The following GNG2 variants were observed in gnomAD, a reference collection of about 807,000 sequenced individuals.
GNG2 encodes the protein G protein subunit gamma 2, also known as guanine nucleotide-binding protein G(I)/G(S)/G(O) subunit gamma-2.
In GNG2, 5 loss-of-function variants were observed where a neutral mutation model predicts 5.5. That is an observed-to-expected ratio of 0.91 (90% CI 0.48 to 1.92). GNG2 has a LOEUF of 1.92. GNG2 is among the 30% of genes most tolerant of loss of function. GNG2 has a pLI of 0.01. For missense variants in GNG2, 55 were observed against 88.4 expected (o/e 0.62, Z 1.52); for synonymous variants, 28 against 32.0 (o/e 0.88, Z 0.42).
intron 3 of GNG2, among the ~76,000 whole-genome samples, chr14:51,952,412 A>G (rs750898858): frequency 2.6e-5 from 4 of 152,174 alleles, no homozygotes; most frequent in Non-Finnish European, 5.9e-5. Flanking sequence ...CTGAAAAAGC[A>G]CAAAGCAACA....
At chr14:51,841,497 A>G (rs1881481188) in intron 2 of GNG2, 1 of 701,672 alleles carries the variant, frequency 1.4e-6, no homozygotes, top group Non-Finnish European at 2.6e-6. Context: ...TTTTCTCTCC[A>G]TTTTACAGAC....
chr14:51,951,549 T>C (rs1007550701), intron 3 of GNG2, among the ~76,000 whole-genome samples: 4 of 152,236 alleles, frequency 2.6e-5, no homozygotes, highest in Non-Finnish European at 5.9e-5. Context: ...AAGAATTCTA[T>C]GAAATGCAGC....
intron 2 of GNG2, among the ~76,000 whole-genome samples, chr14:51,884,241 G>A (rs900068132): frequency 2.0e-5 from 3 of 152,148 alleles, no homozygotes; most frequent in African/African-American, 7.2e-5. Context: ...AAAAATGTCA[G>A]AACCAAAGTG....
At chr14:51,829,447 T>C (rs1881121882) in intron 2 of GNG2, among the ~76,000 whole-genome samples, 1 of 152,188 alleles carries the variant, frequency 6.6e-6, no homozygotes, top group Non-Finnish European at 1.5e-5. Context: ...TATGTCCTCA[T>C]CTTACTTGTC....
intron 2 of GNG2, among the ~76,000 whole-genome samples, chr14:51,908,386 T>A (rs1886069917): frequency 6.6e-6 from 1 of 152,216 alleles, no homozygotes; most frequent in Admixed American, 6.5e-5. Flanking sequence ...TTATTGCAGG[T>A]CATCTTGGAG....
At position 51,966,961 on chromosome 14, in the gene GNG2, A is replaced by ACCCCCCCCACCCC. The variant is rs1889954367; in HGVS notation, c.*274_*275insCCCCCCCCACCCC. 1.4e-5 allele frequency: 1 copy of ACCCCCCCCACCCC among 70,422 alleles called. No individual in the cohort carries two copies. The highest frequency in any genetic ancestry group is 2.5e-5 in the Non-Finnish European group (1 of 39,936). The allele number at this position is 70,422 out of a possible 1,614,324, so 4.4% of individuals were successfully genotyped here. On this transcript the variant is annotated 3_prime_UTR_variant, in exon 4 of 4. Coordinates refer to ENST00000556766, the MANE Select transcript of GNG2 (RefSeq NM_053064.5). ...TGTCACTTCTTTTCTGCTATCCCCC[A>ACCCCCCCCACCCC]GCCCCCCCCCCAAAATCCTCATGTT...
chr14:51,864,693 G>A (rs1424226120), intron 1 of GNG2, among the ~76,000 whole-genome samples: 4 of 152,168 alleles, frequency 2.6e-5, no homozygotes, highest in African/African-American at 9.7e-5. Context: ...CGGAGGCACT[G>A]GAGAGCTGTT....
At chr14:51,898,914 A>G (rs558339483) in intron 2 of GNG2, among the ~76,000 whole-genome samples, 105 of 152,330 alleles carry the variant, frequency 6.9e-4, no homozygotes, top group Non-Finnish European at 1.3e-3. Flanking sequence ...CTCATTAATA[A>G]AGACCATAAG....
chr14:51,942,597 T>TTCTTTCTTTCTTTCTTTC (rs1888403996), intron 2 of GNG2, among the ~76,000 whole-genome samples: 1 of 9,028 alleles, frequency 1.1e-4, no homozygotes, highest in Non-Finnish European at 3.5e-4. Context: ...TTCTTTTTTT[T>TTCTTTCTTTCTTTCTTTC]TTTTTTTTTA....
rs1001678487 is a variant in GNG2, at chr14:51,968,875, C to G, written c.*2188C>G. 4.6e-5 allele frequency: 7 copies of G among 152,142 alleles called. No homozygotes were observed. The highest frequency in any genetic ancestry group is 1.7e-4 in the African/African-American group (7 of 41,436). 9.4% of individuals were successfully genotyped at this position (152,142 alleles called of 1,614,324 possible). On this transcript the variant is annotated 3_prime_UTR_variant, in exon 4 of 4. Coordinates refer to ENST00000556766, the MANE Select transcript of GNG2 (RefSeq NM_053064.5). ...AGCATTTCCTTTTCTCAGAAGGACTCTTTATATTTCCATGTAAATCTAGAT... is the reference window on the plus strand; with the variant it reads ...AGCATTTCCTTTTCTCAGAAGGACTGTTTATATTTCCATGTAAATCTAGAT...
At chr14:51,914,462 A>C (rs146933209) in intron 2 of GNG2, among the ~76,000 whole-genome samples, 1 of 152,176 alleles carries the variant, frequency 6.6e-6, no homozygotes. Context: ...TTTTGGCACG[A>C]GGTTTGGTAA....
intron 2 of GNG2, among the ~76,000 whole-genome samples, chr14:51,937,623 A>ATTTTTTTTTTTTTTTTTTTTTT (rs60571273): frequency 1.5e-5 from 2 of 133,584 alleles, no homozygotes; most frequent in Non-Finnish European, 1.5e-5. Flanking sequence ...GAAATACATA[A>ATTTTTTTTTTTTTTTTTTTTTT]TTTTTTTTTT....
chr14:51,927,793 T>C (rs1191393102), intron 2 of GNG2, among the ~76,000 whole-genome samples: 1 of 152,202 alleles, frequency 6.6e-6, no homozygotes, highest in African/African-American at 2.4e-5. Context: ...TACCTAGATG[T>C]TTAGAAACAG....
chr14:51,908,253 C>T (rs1033464699), intron 2 of GNG2, among the ~76,000 whole-genome samples: 6 of 152,134 alleles, frequency 3.9e-5, no homozygotes, highest in Non-Finnish European at 7.3e-5. Context: ...CCAGAGCAAG[C>T]GATCCAAGAA....
In GNG2 at chr14:51,878,395, T is replaced by C. The variant is rs527687696; in HGVS notation, c.-30+738T>C. On this transcript the variant is annotated intron_variant, in intron 2 of 3. Coordinates refer to ENST00000556766, the MANE Select transcript of GNG2 (RefSeq NM_053064.5). ...CATCCCCATCACCCAATTTCAATGGTTGTCAACTCGTGGCTGGGATTGTTT... is the reference window on the plus strand; with the variant it reads ...CATCCCCATCACCCAATTTCAATGGCTGTCAACTCGTGGCTGGGATTGTTT... Among the ~76,000 whole-genome samples, 13 of 152,262 alleles carry C rather than the reference T, an allele frequency of 8.5e-5. No individual in the cohort carries two copies. In the East Asian group the frequency reaches 2.1e-3, roughly 25 times the overall value.
chr14:51,881,804 T>C (rs183132398), intron 2 of GNG2, among the ~76,000 whole-genome samples: 39 of 151,876 alleles, frequency 2.6e-4, no homozygotes, highest in African/African-American at 8.9e-4. Flanking sequence ...CTTTTTTTTT[T>C]CTTTCCAAAA....
intron 2 of GNG2, among the ~76,000 whole-genome samples, chr14:51,839,680 C>G (rs185520582): frequency 7.6e-4 from 115 of 152,238 alleles, no homozygotes; most frequent in African/African-American, 2.7e-3. Context: ...TGTTCTATAT[C>G]TTGATCGTGG....
At chr14:51,922,335 G>A (rs536151850) in intron 2 of GNG2, among the ~76,000 whole-genome samples, 43 of 152,200 alleles carry the variant, frequency 2.8e-4, no homozygotes, top group Non-Finnish European at 5.1e-4. Flanking sequence ...AAGAAGACAA[G>A]AAATTAAGTT....
intron 2 of GNG2, among the ~76,000 whole-genome samples, chr14:51,833,913 G>C (rs1340316965): frequency 6.6e-6 from 1 of 152,186 alleles, no homozygotes; most frequent in Non-Finnish European, 1.5e-5. Flanking sequence ...ATGAGTGGTA[G>C]GGGTCATACA....
Sources: allele counts gnomAD v4.1 joint callset (sites outside exome capture counted in the v4.1 genomes callset), GRCh38; gene constraint gnomAD v4.1.1; transcripts MANE v1.5; gene names NCBI Gene and HGNC (gene_info 2026-07-23, HGNC 2026-07-21).